The following VSNL1 variants were observed in gnomAD, a reference collection of about 807,000 sequenced individuals.
VSNL1 encodes the protein visinin like 1.
Under a neutral mutation model 20.4 loss-of-function variants are expected in VSNL1, and 6 were observed. That is an observed-to-expected ratio of 0.29 (90% CI 0.16 to 0.58). The LOEUF is 0.58. VSNL1 is among the 20% of genes least tolerant of loss of function. The pLI is 0.90. For missense variants in VSNL1, 100 were observed against 234.5 expected, an observed-to-expected ratio of 0.43 and a Z score of 3.75; for synonymous variants, 93 against 86.4, an observed-to-expected ratio of 1.08 and a Z score of -0.42.
chr2:17,586,816 G>A (rs1397003573), intron 1 of VSNL1, among the ~76,000 whole-genome samples: 2 of 152,288 alleles, frequency 1.3e-5, no homozygotes, highest in East Asian at 3.9e-4. Flanking sequence ...GGAGAAAACA[G>A]GATTGGAATG....
In VSNL1 at chr2:17,552,213, C is replaced by CA. The variant is rs1460710666; in HGVS notation, c.-6+11304dup. On this transcript the variant is annotated intron_variant, in intron 1 of 3. Transcript: ENST00000295156. ...AGATTCCATCTCAAAAAAAAAAAAA[C>CA]AAAAAAAAACTTAGCACGTACAGTG... Among the ~76,000 whole-genome samples the CA allele has an allele frequency of 2.4e-3, 329 of 137,684 alleles. 7 individuals are homozygous for CA. The highest frequency in any genetic ancestry group is 8.0e-3 in the African/African-American group (306 of 38,118). 90.3% of individuals were successfully genotyped at this position (137,684 alleles called of 152,430 possible).
intron 2 of VSNL1, among the ~76,000 whole-genome samples, chr2:17,622,408 G>C (rs1665382554): frequency 6.7e-6 from 1 of 150,064 alleles, no homozygotes; most frequent in Admixed American, 6.7e-5. Flanking sequence ...TGAGGCAGGA[G>C]AATCACTTAA....
At chr2:17,547,733 T>C (rs1663434088) in intron 1 of VSNL1, among the ~76,000 whole-genome samples, 1 of 152,134 alleles carries the variant, frequency 6.6e-6, no homozygotes, top group South Asian at 2.1e-4. Context: ...GCCTTTACTT[T>C]ATCATCATCA....
At chr2:17,621,004 C>A (rs13003096) in intron 2 of VSNL1, among the ~76,000 whole-genome samples, 37,515 of 152,070 alleles carry the variant, frequency 0.25, 6,038 homozygotes, top group Middle Eastern at 0.49. Context: ...TAGAATAAAG[C>A]AAGTTAATAG....
chr2:17,638,392 T>C (rs1391085982), intron 2 of VSNL1, among the ~76,000 whole-genome samples: 2 of 152,214 alleles, frequency 1.3e-5, no homozygotes, highest in African/African-American at 2.4e-5. Flanking sequence ...AAGTGTAATG[T>C]TGAAGACTTT....
At chr2:17,654,888 A>G (rs767086189) in intron 3 of VSNL1, among the ~76,000 whole-genome samples, 1 of 152,130 alleles carries the variant, frequency 6.6e-6, no homozygotes, top group Non-Finnish European at 1.5e-5. Context: ...ATTTATTGAG[A>G]CCTGTGATGT....
intron 2 of VSNL1, among the ~76,000 whole-genome samples, chr2:17,602,453 G>T (rs1418452250): frequency 6.6e-6 from 1 of 152,124 alleles, no homozygotes; most frequent in Non-Finnish European, 1.5e-5. Flanking sequence ...TGTCTAAAAT[G>T]TCAAAGCAGC....
chr2:17,594,382 G>GA (rs914365081), intron 2 of VSNL1, among the ~76,000 whole-genome samples: 5 of 152,058 alleles, frequency 3.3e-5, no homozygotes, highest in African/African-American at 9.7e-5. Context: ...TCCAAGGACA[G>GA]AAAAAAACCG....
At chr2:17,589,707 A>T (rs1664555902) in intron 1 of VSNL1, among the ~76,000 whole-genome samples, 1 of 152,244 alleles carries the variant, frequency 6.6e-6, no homozygotes. Context: ...CAACTGGAAC[A>T]GTTTAAGACA....
chr2:17,597,428 A>G (rs1038395460), intron 2 of VSNL1, among the ~76,000 whole-genome samples: 10 of 152,074 alleles, frequency 6.6e-5, no homozygotes, highest in East Asian at 3.9e-4. Context: ...GGGTTGTTCT[A>G]TTGGGCTCTG....
intron 1 of VSNL1, among the ~76,000 whole-genome samples, chr2:17,544,760 C>T (rs1180934159): frequency 3.3e-5 from 5 of 152,146 alleles, no homozygotes; most frequent in East Asian, 3.8e-4. Context: ...GGAAGGCTCT[C>T]TCCACAGAAA....
chr2:17,655,455 TCACACACACACACACACACA>T lies in VSNL1; in HGVS notation c.*88_*107del, dbSNP rs3064980. 6.0e-4 allele frequency: 322 copies of T among 537,522 alleles called. No individual in the cohort carries two copies. Among genetic ancestry groups the T allele is most frequent in the Admixed American group, 5.8e-3 (207 of 35,874 alleles). 33.3% of individuals were successfully genotyped at this position (537,522 alleles called of 1,614,324 possible). On this transcript the variant is annotated 3_prime_UTR_variant, in exon 4 of 4. Coordinates refer to ENST00000295156, the MANE Select transcript of VSNL1 (RefSeq NM_003385.5). The surrounding 1 kb of genome is among the most constrained non-coding windows in gnomAD (Gnocchi z 5.2). ...AATGTTCCATTCAGTCTGCAGCTAT[TCACACACACACACACACACA>T]CACACACACACACACACACACACAC...
chr2:17,558,252 T>C (rs1191761019), intron 1 of VSNL1, among the ~76,000 whole-genome samples: 1 of 152,238 alleles, frequency 6.6e-6, no homozygotes, highest in Non-Finnish European at 1.5e-5. Flanking sequence ...TATGGTTTTA[T>C]AATCAAGCCA....
chr2:17,643,577 T>C (rs553663708), intron 2 of VSNL1, among the ~76,000 whole-genome samples: 29 of 152,322 alleles, frequency 1.9e-4, no homozygotes, highest in Non-Finnish European at 4.0e-4. Flanking sequence ...CCTGGCCCTG[T>C]ACCAGGCACC....
chr2:17,599,560 G>A (rs1425184578), intron 2 of VSNL1, among the ~76,000 whole-genome samples: 1 of 152,056 alleles, frequency 6.6e-6, no homozygotes, highest in East Asian at 1.9e-4. Flanking sequence ...AATACTTCTG[G>A]GGCTTCTGCC....
At chr2:17,542,893 G>A (rs1663320747) in intron 1 of VSNL1, among the ~76,000 whole-genome samples, 1 of 152,182 alleles carries the variant, frequency 6.6e-6, no homozygotes, top group Non-Finnish European at 1.5e-5. Context: ...TGTAGATGAG[G>A]AAACTGAGGC....
At chr2:17,637,331 G>T (rs1269477953) in intron 2 of VSNL1, among the ~76,000 whole-genome samples, 1 of 152,234 alleles carries the variant, frequency 6.6e-6, no homozygotes, top group African/African-American at 2.4e-5. Context: ...TACACCAGGA[G>T]GGGTGGAGGA....
At chr2:17,652,190 T>C (rs1437586802) in intron 3 of VSNL1, among the ~76,000 whole-genome samples, 1 of 135,606 alleles carries the variant, frequency 7.4e-6, no homozygotes, top group Non-Finnish European at 1.6e-5. Flanking sequence ...ACAGAGAATA[T>C]AAATAGAAAA....
intron 1 of VSNL1, among the ~76,000 whole-genome samples, chr2:17,571,331 A>C (rs534052776): frequency 1.3e-5 from 2 of 152,240 alleles, no homozygotes; most frequent in East Asian, 3.9e-4. Context: ...ATCTGATTTA[A>C]GGTTGTTTTT....
Sources: gnomAD v4.1 joint callset for allele counts (sites outside exome capture counted in the v4.1 genomes callset) on GRCh38, gnomAD v4.1.1 for gene constraint, Gnocchi (gnomAD v3.1) non-coding constraint, MANE v1.5 for transcripts, NCBI Gene and HGNC (gene_info 2026-07-23, HGNC 2026-07-21) for gene names.